Variants in ARHGAP10 observed in about 807,000 individuals in gnomAD.
The protein encoded by ARHGAP10 is rho GTPase-activating protein 10.
Under a neutral mutation model 108.6 loss-of-function variants are expected in ARHGAP10, and 87 were observed. The ratio of observed to expected loss-of-function variants is 0.80; its 90% CI spans 0.67 to 0.96. The LOEUF is 0.96. Among genes scored for constraint, ARHGAP10 ranks in the 40% least tolerant of loss-of-function variants. The pLI is 0.00. For synonymous variants in ARHGAP10, 347 were observed against 341.1 expected, an observed-to-expected ratio of 1.02 and a Z score of -0.19; for missense variants, 939 against 954.5, an observed-to-expected ratio of 0.98 and a Z score of 0.21.
At chr4:148,062,270 C>A (rs1033187019) in intron 20 of ARHGAP10, among the ~76,000 whole-genome samples, 1 of 152,136 alleles carries the variant, frequency 6.6e-6, no homozygotes, top group African/African-American at 2.4e-5. Flanking sequence ...GCAGGGGAAA[C>A]AATCTGAGAG....
At chr4:147,840,027 C>A (rs1272689307) in intron 3 of ARHGAP10, among the ~76,000 whole-genome samples, 1 of 152,172 alleles carries the variant, frequency 6.6e-6, no homozygotes, top group Non-Finnish European at 1.5e-5. Flanking sequence ...TTCTGTGTCT[C>A]CCAGCTCATT....
At position 147,875,127 on chromosome 4, in the gene ARHGAP10, G is replaced by C. The variant is rs762116845; in HGVS notation, c.809G>C (p.Gly270Ala). 4 of 1,592,206 alleles carry C rather than the reference G, an allele frequency of 2.5e-6. No individual in the cohort carries two copies. The highest frequency in any genetic ancestry group is 3.4e-6 in the Non-Finnish European group (4 of 1,173,974). The change falls in exon 8 of 23, where the codon GGC (glycine) becomes GCC (alanine). Residue 270 changes from glycine to alanine, a missense_variant. Gly to Ala is a moderately conservative substitution (Grantham distance 60). Transcript: ENST00000336498. ...CGAGCAAGTCAGTTTACAGCCGAAG[G>C]CTACCTGTATGTCCAGGAAAAAAGT... ...HKRASQFTAE[G>A]YLYVQEKRPA...
chr4:148,062,232 T>C (rs1729652173), intron 20 of ARHGAP10, among the ~76,000 whole-genome samples: 2 of 152,160 alleles, frequency 1.3e-5, no homozygotes, highest in African/African-American at 4.8e-5. Flanking sequence ...ACCATGCTGG[T>C]ACTGAAGAAC....
intron 4 of ARHGAP10, among the ~76,000 whole-genome samples, chr4:147,856,509 G>T (rs1734085974): frequency 6.6e-6 from 1 of 152,118 alleles, no homozygotes. Flanking sequence ...TCCACACCTG[G>T]CCTCTTGCTC....
intron 3 of ARHGAP10, among the ~76,000 whole-genome samples, chr4:147,839,092 GTATCTATCTATCTATCTATCTATCTATC>G (rs139337846): frequency 7.0e-6 from 1 of 143,788 alleles, no homozygotes; most frequent in African/African-American, 2.6e-5. Context: ...TAGATCTATC[GTATCTATCTATCTATCTATCTATCTATC>G]TATCTATCTA....
intron 20 of ARHGAP10, among the ~76,000 whole-genome samples, chr4:148,062,382 C>T (rs935595079): frequency 6.6e-6 from 1 of 152,184 alleles, no homozygotes; most frequent in Non-Finnish European, 1.5e-5. Context: ...CTGGGTGCTG[C>T]AGACAGGGAA....
intron 1 of ARHGAP10, among the ~76,000 whole-genome samples, chr4:147,779,642 GTGA>G (rs777829748): frequency 9.2e-5 from 14 of 152,124 alleles, no homozygotes; most frequent in Non-Finnish European, 1.9e-4. Flanking sequence ...CTGGGGAGTG[GTGA>G]TCACATTGAC....
chr4:148,002,309 G>T (rs1305999379), intron 18 of ARHGAP10, among the ~76,000 whole-genome samples: 1 of 152,164 alleles, frequency 6.6e-6, no homozygotes, highest in African/African-American at 2.4e-5. Context: ...GCTGGATTCG[G>T]TTTGCCAGTA....
intron 20 of ARHGAP10, among the ~76,000 whole-genome samples, chr4:148,054,631 G>A (rs1166866728): frequency 6.6e-6 from 1 of 152,202 alleles, no homozygotes; most frequent in East Asian, 1.9e-4. Context: ...AGCAGTTACT[G>A]TATTTATTCC....
rs934362387 is a variant in ARHGAP10 at position 148,013,967 on chromosome 4, T to G, written c.1717-9296T>G. Reference sequence around the variant, plus strand: ...ACATTTACTACTTTTTGATCTTCTGTGCTGCTAGTGGCACCCAGTGATTTT... The same window carrying G: ...ACATTTACTACTTTTTGATCTTCTGGGCTGCTAGTGGCACCCAGTGATTTT... On this transcript the variant is annotated intron_variant, in intron 18 of 22. Coordinates refer to ENST00000336498, the MANE Select transcript of ARHGAP10 (RefSeq NM_024605.4). Among the ~76,000 whole-genome samples, 4 of 152,272 alleles carry G rather than the reference T, an allele frequency of 2.6e-5. No homozygotes were observed. In the South Asian group the frequency reaches 8.3e-4, roughly 32 times the overall value.
chr4:147,996,913 A>G (rs1292430388), intron 18 of ARHGAP10, among the ~76,000 whole-genome samples: 1 of 152,204 alleles, frequency 6.6e-6, no homozygotes, highest in Admixed American at 6.5e-5. Context: ...CCTCAGGAGA[A>G]GCTAGCCCTG....
intron 12 of ARHGAP10, among the ~76,000 whole-genome samples, chr4:147,912,593 A>ATATATG (rs1736800883): frequency 1.0e-5 from 1 of 98,482 alleles, no homozygotes; most frequent in Admixed American, 1.1e-4. Context: ...ATATATATAT[A>ATATATG]TATATAAAAT....
At chr4:147,924,649 G>C (rs1305082787) in intron 13 of ARHGAP10, among the ~76,000 whole-genome samples, 1 of 152,164 alleles carries the variant, frequency 6.6e-6, no homozygotes, top group Non-Finnish European at 1.5e-5. Context: ...GATGAGGTCT[G>C]TGACATTTTA....
intron 18 of ARHGAP10, among the ~76,000 whole-genome samples, chr4:147,978,982 C>T (rs966783110): frequency 3.4e-4 from 52 of 152,114 alleles, no homozygotes; most frequent in African/African-American, 1.2e-3. Context: ...GCATAGTTTG[C>T]AGATATTTTC....
At chr4:147,980,661 T>G (rs1739777594) in intron 18 of ARHGAP10, among the ~76,000 whole-genome samples, 1 of 152,214 alleles carries the variant, frequency 6.6e-6, no homozygotes, top group Non-Finnish European at 1.5e-5. Flanking sequence ...ATCCATCTCG[T>G]CCAGGGCTTT....
intron 1 of ARHGAP10, among the ~76,000 whole-genome samples, chr4:147,743,249 G>A (rs1728766583): frequency 6.6e-6 from 1 of 152,046 alleles, no homozygotes; most frequent in African/African-American, 2.4e-5. Flanking sequence ...TGACCAGGAT[G>A]GTCTCGAATG....
At chr4:147,989,503 G>A (rs1740183237) in intron 18 of ARHGAP10, among the ~76,000 whole-genome samples, 1 of 152,060 alleles carries the variant, frequency 6.6e-6, no homozygotes, top group Non-Finnish European at 1.5e-5. Flanking sequence ...TACGCCCTGG[G>A]GGGACCAGTT....
intron 10 of ARHGAP10, among the ~76,000 whole-genome samples, chr4:147,895,023 T>G (rs903286679): frequency 6.6e-6 from 1 of 152,176 alleles, no homozygotes; most frequent in African/African-American, 2.4e-5. Context: ...TAATTTATTT[T>G]TATAAGAAAA....
chr4:147,829,213 G>A (rs1253691472), intron 3 of ARHGAP10, among the ~76,000 whole-genome samples: 1 of 151,976 alleles, frequency 6.6e-6, no homozygotes, highest in African/African-American at 2.4e-5. Flanking sequence ...ACTATGTCCG[G>A]CTAATTTTTT....
Sources: gnomAD v4.1 joint callset for allele counts (sites outside exome capture counted in the v4.1 genomes callset) on GRCh38, gnomAD v4.1.1 for gene constraint, MANE v1.5 for transcripts, NCBI Gene and HGNC (gene_info 2026-07-23, HGNC 2026-07-21) for gene names.